The following COL21A1 variants were observed in gnomAD, a reference collection of about 807,000 sequenced individuals.
COL21A1 encodes collagen alpha-1(XXI) chain.
In COL21A1, 149 loss-of-function variants were observed where a neutral mutation model predicts 137.9. The observed-to-expected ratio is 1.08, with a 90% CI of 0.95 to 1.24. The LOEUF (loss-of-function observed/expected upper bound fraction) is 1.24, where lower values mean the gene tolerates loss of function less well. Ranked by LOEUF, COL21A1 falls within the 50% of genes most tolerant of loss-of-function variation. COL21A1 has a pLI of 0.00. For synonymous variants in COL21A1, 456 were observed against 391.5 expected, an observed-to-expected ratio of 1.16 and a Z score of -1.95; for missense variants, 1,167 against 1,158.4, an observed-to-expected ratio of 1.01 and a Z score of -0.11.
chr6:56,336,792 G>C (rs1239309758), intron 1 of COL21A1, among the ~76,000 whole-genome samples: 10 of 152,188 alleles, frequency 6.6e-5, no homozygotes, highest in Admixed American at 2.0e-4. Context: ...GATTTAGGTT[G>C]TGTCTGCTCA....
intron 10 of COL21A1, among the ~76,000 whole-genome samples, chr6:56,148,332 AAGAGAC>A (rs1554145097): frequency 4.0e-5 from 1 of 24,712 alleles, no homozygotes. Flanking sequence ...TTAGTGAGAC[AAGAGAC>A]AGAGAGAGAG....
chr6:56,101,661 A>G, intron 16 of COL21A1, 136 bp from the exon 17 acceptor site: 1 of 668,186 alleles, frequency 1.5e-6, no homozygotes. Context: ...GACTACTGAT[A>G]TTAACTTTTC....
intron 16 of COL21A1, among the ~76,000 whole-genome samples, chr6:56,117,459 G>T (rs1244844928): frequency 6.6e-6 from 1 of 151,980 alleles, no homozygotes; most frequent in Admixed American, 6.6e-5. Flanking sequence ...GAGCTAAAGA[G>T]AGTGATAGAC....
At position 56,077,543 on chromosome 6, in the gene COL21A1, A is replaced by G; in HGVS notation, c.1843T>C (p.Leu615=). ...TGAATACTTACCTTTTGGCCCATTA[A>G]TCCTCGGTTTCCAGGAAATCCTGGG... ...GIPGFPGNRG[L]MGQKGEIGPP... Residue 615 remains leucine, a synonymous_variant, in exon 18 of 30, where the codon TTA becomes CTA. Coordinates refer to ENST00000244728, the MANE Select transcript of COL21A1 (RefSeq NM_030820.4). 6.3e-7 allele frequency: 1 copy of G among 1,579,558 alleles called. No individual in the cohort carries two copies. The highest frequency in any genetic ancestry group is 1.8e-5 in the Admixed American group (1 of 56,954).
At chr6:56,252,052 A>T (rs1782866288), upstream of COL21A1, among the ~76,000 whole-genome samples, 1 of 152,226 alleles carries the variant, frequency 6.6e-6, no homozygotes, top group South Asian at 2.1e-4. Context: ...GTTGCAGAAT[A>T]TCTCTAGAAA....
intron 12 of COL21A1, among the ~76,000 whole-genome samples, chr6:56,138,481 G>A (rs993749398): frequency 6.6e-5 from 10 of 151,966 alleles, no homozygotes; most frequent in African/African-American, 2.4e-4. Context: ...GAGCCAACGA[G>A]AAAACATGAA....
At chr6:56,203,343 T>C (rs1779530995) in intron 1 of COL21A1, among the ~76,000 whole-genome samples, 1 of 152,080 alleles carries the variant, frequency 6.6e-6, no homozygotes, top group African/African-American at 2.4e-5. Flanking sequence ...TCAAAATAAA[T>C]GGCATAGACA....
chr6:56,097,864 A>AAATATAT (rs1562188205), intron 17 of COL21A1, among the ~76,000 whole-genome samples: 1,026 of 29,892 alleles, frequency 0.034, 180 homozygotes, highest in African/African-American at 0.11. Context: ...TAAATATATA[A>AAATATAT]AAATATCTAT....
chr6:56,081,478 A>G (rs891720748), intron 17 of COL21A1, among the ~76,000 whole-genome samples: 6 of 151,768 alleles, frequency 4.0e-5, no homozygotes, highest in Non-Finnish European at 5.9e-5. Context: ...ATTCATCACT[A>G]TTTGTTCATA....
Position 56,182,666 on chromosome 6 carries a change from A to G in COL21A1, c.-38-10T>C. ...TTTGGTTTTAGGATTCCTAGGGGGA[A>G]AAAAAAGGCAAGTTAAATATATTAA... is the stretch of plus-strand genomic sequence containing the variant. On this transcript the variant is annotated splice_polypyrimidine_tract_variant and intron_variant, in intron 1 of 29. Transcript: ENST00000244728. 1 of 1,204,140 alleles carries G rather than the reference A, an allele frequency of 8.3e-7. No homozygotes were observed. The highest frequency in any genetic ancestry group is 1.2e-6 in the Non-Finnish European group (1 of 835,386). The allele number at this position is 1,204,140 out of a possible 1,614,324, so 74.6% of individuals were successfully genotyped here. A position where few individuals can be genotyped will look rare whatever the true frequency, so the allele number is the denominator to read the frequency against.
At chr6:56,292,618 G>A (rs1463955901) in intron 1 of COL21A1, among the ~76,000 whole-genome samples, 1 of 152,150 alleles carries the variant, frequency 6.6e-6, no homozygotes, top group African/African-American at 2.4e-5. Flanking sequence ...ATACCAGGTG[G>A]GAGAACATAG....
intron 17 of COL21A1, among the ~76,000 whole-genome samples, chr6:56,092,883 TG>T (rs1362136816): frequency 6.6e-6 from 1 of 152,188 alleles, no homozygotes; most frequent in Non-Finnish European, 1.5e-5. Context: ...TTTTCAGGGC[TG>T]TGTGTCCCCC....
intron 1 of COL21A1, among the ~76,000 whole-genome samples, chr6:56,188,202 T>G (rs146851910): frequency 0.019 from 2,856 of 152,346 alleles, 50 homozygotes; most frequent in Non-Finnish European, 0.032. Flanking sequence ...TGAAAACAGA[T>G]GTAATCACTT....
chr6:56,207,678 A>G (rs1779882319), intron 1 of COL21A1, among the ~76,000 whole-genome samples: 1 of 152,180 alleles, frequency 6.6e-6, no homozygotes. Flanking sequence ...TCCCTAACTC[A>G]TTTTATGAGG....
At chr6:56,138,554 G>T (rs1218782026) in intron 12 of COL21A1, among the ~76,000 whole-genome samples, 1 of 151,912 alleles carries the variant, frequency 6.6e-6, no homozygotes, top group African/African-American at 2.4e-5. Context: ...GCCAAGAGAA[G>T]AAATTGTCCC....
In COL21A1 at chr6:56,209,213, G is replaced by A. The variant is rs554297552; in HGVS notation, c.-38-26557C>T. Among the ~76,000 whole-genome samples the A allele has an allele frequency of 2.0e-5, 3 of 152,202 alleles. No individual in the cohort carries two copies. In the East Asian group the frequency reaches 5.8e-4, roughly 29 times the overall value. On this transcript the variant is annotated intron_variant, in intron 1 of 29. Coordinates refer to ENST00000244728, the MANE Select transcript of COL21A1 (RefSeq NM_030820.4). ...CTTGGCAATACCATTCAGGACTTAG[G>A]CATGGGCAAAGCCTTTATGACTAAA... is the stretch of plus-strand genomic sequence containing the variant.
intron 1 of COL21A1, among the ~76,000 whole-genome samples, chr6:56,381,157 AC>A: frequency 6.6e-6 from 1 of 152,334 alleles, no homozygotes; most frequent in Non-Finnish European, 1.5e-5. Flanking sequence ...CTTTGTTTAT[AC>A]CATGAAATTA....
At chr6:56,269,070 A>G (rs1276912075) in intron 1 of COL21A1, among the ~76,000 whole-genome samples, 3 of 152,230 alleles carry the variant, frequency 2.0e-5, no homozygotes, top group South Asian at 2.1e-4. Context: ...AAATAAATCA[A>G]AAACTTCTAA....
intron 10 of COL21A1, among the ~76,000 whole-genome samples, chr6:56,144,497 A>G (rs747675845): frequency 5.3e-5 from 8 of 152,208 alleles, no homozygotes; most frequent in Non-Finnish European, 8.8e-5. Flanking sequence ...ATCATCTGCA[A>G]AGTTCACATT....
Sources: allele counts gnomAD v4.1 joint callset (sites outside exome capture counted in the v4.1 genomes callset), GRCh38; gene constraint gnomAD v4.1.1; transcripts MANE v1.5; gene names NCBI Gene and HGNC (gene_info 2026-07-23, HGNC 2026-07-21).